Variants in DMD observed in about 807,000 individuals in gnomAD.
The protein encoded by DMD is dystrophin.
DMD carries 63 observed loss-of-function variants against 330.1 expected under a neutral mutation model. That is an observed-to-expected ratio of 0.19 (90% CI 0.16 to 0.24). The LOEUF (loss-of-function observed/expected upper bound fraction) is 0.24, where lower values mean the gene tolerates loss of function less well. Among genes scored for constraint, DMD ranks in the 10% least tolerant of loss-of-function variants. DMD has a pLI of 1.00. For synonymous variants in DMD, 1,223 were observed against 959.8 expected, an observed-to-expected ratio of 1.27 and a Z score of -5.07; for missense variants, 3,344 against 2,684.1, an observed-to-expected ratio of 1.25 and a Z score of -5.43.
At chrX:32,963,185 A>G (rs1480174167) in intron 2 of DMD, among the ~76,000 whole-genome samples, 1 of 112,257 alleles carries the variant, frequency 8.9e-6, no homozygotes, top group Non-Finnish European at 1.9e-5. Flanking sequence ...AATAAAACTC[A>G]AAAGTGAAGA....
chrX:32,905,853 T>A (rs1329913115), intron 2 of DMD, among the ~76,000 whole-genome samples: 1 of 111,345 alleles, frequency 9.0e-6, no homozygotes, highest in African/African-American at 3.3e-5. Context: ...GTAGCAAACA[T>A]CTCTTCTTTT....
chrX:32,094,493 T>C (rs1180411941), intron 44 of DMD, among the ~76,000 whole-genome samples: 2 of 111,847 alleles, frequency 1.8e-5, no homozygotes, highest in African/African-American at 6.5e-5. Flanking sequence ...GTTATTTTTG[T>C]GAGATATCTC....
chrX:31,553,356 C>T (rs1468649989), intron 55 of DMD, among the ~76,000 whole-genome samples: 1 of 112,201 alleles, frequency 8.9e-6, no homozygotes, highest in African/African-American at 3.2e-5. Flanking sequence ...ACATTTCTTA[C>T]TTATATACCA....
chrX:33,074,353 G>A (rs1178514678), intron 1 of DMD, among the ~76,000 whole-genome samples: 4 of 111,067 alleles, frequency 3.6e-5, no homozygotes, highest in South Asian at 3.7e-4. Context: ...TTCGCAAATC[G>A]TTCATTGCTC....
At chrX:33,064,326 T>G (rs1362545075) in intron 1 of DMD, among the ~76,000 whole-genome samples, 1 of 111,393 alleles carries the variant, frequency 9.0e-6, no homozygotes, top group Non-Finnish European at 1.9e-5. Context: ...TTGCGGCAAC[T>G]TTCTAAAAGG....
chrX:31,951,602 T>G (rs1038207581), intron 45 of DMD, among the ~76,000 whole-genome samples: 5 of 110,899 alleles, frequency 4.5e-5, no homozygotes, highest in African/African-American at 1.3e-4. Context: ...TTACTTAAGT[T>G]CAAACTAATT....
chrX:32,577,771 TACTC>T (rs1457583782), intron 13 of DMD, among the ~76,000 whole-genome samples: 3 of 112,400 alleles, frequency 2.7e-5, no homozygotes, highest in African/African-American at 9.7e-5. Context: ...TCTTAGAAAA[TACTC>T]AATGAATTGA....
intron 48 of DMD, among the ~76,000 whole-genome samples, chrX:31,873,706 G>A (rs1247711743): frequency 1.8e-5 from 2 of 111,652 alleles, no homozygotes; most frequent in Non-Finnish European, 3.8e-5. Context: ...GACGCAAAAC[G>A]GGGCAGCATA....
chrX:31,937,583 G>A (rs764070275), intron 45 of DMD, among the ~76,000 whole-genome samples: 2 of 111,625 alleles, frequency 1.8e-5, no homozygotes, highest in Non-Finnish European at 1.9e-5. Flanking sequence ...TTTTCCAAGC[G>A]CATGTGTTTT....
chrX:31,501,096 T>C (rs1211303471), intron 56 of DMD, among the ~76,000 whole-genome samples: 1 of 112,267 alleles, frequency 8.9e-6, no homozygotes, highest in Non-Finnish European at 1.9e-5. Flanking sequence ...TCACAGGCTG[T>C]AAACTGATCA....
chrX:32,150,287 A>G (rs1179096977), intron 44 of DMD, among the ~76,000 whole-genome samples: 3 of 112,428 alleles, frequency 2.7e-5, no homozygotes, highest in African/African-American at 6.5e-5. Flanking sequence ...GGGCACTGGC[A>G]CACAGCAACA....
At chrX:32,753,819 C>T (rs887024777) in intron 7 of DMD, among the ~76,000 whole-genome samples, 5 of 111,616 alleles carry the variant, frequency 4.5e-5, no homozygotes, top group African/African-American at 9.8e-5. Context: ...GGGAAGGAAC[C>T]GAGCCTTATT....
intron 25 of DMD, 123 bp downstream of exon 25, chrX:32,463,316 A>C: frequency 1.8e-6 from 1 of 553,002 alleles, no homozygotes; most frequent in Non-Finnish European, 2.7e-6. Context: ...TGTCAGAATT[A>C]ATTGTGCTTT....
At chrX:32,745,908 G>A (rs764238759) in intron 7 of DMD, among the ~76,000 whole-genome samples, 18 of 111,717 alleles carry the variant, frequency 1.6e-4, no homozygotes, top group Non-Finnish European at 2.8e-4. Context: ...AATGTTTCAG[G>A]AAAAAGACAG....
intron 7 of DMD, among the ~76,000 whole-genome samples, chrX:32,756,951 T>C (rs1413419210): frequency 8.9e-6 from 1 of 111,747 alleles, no homozygotes; most frequent in Non-Finnish European, 1.9e-5. Flanking sequence ...CATGGTGACA[T>C]GAAATTCTCT....
chrX:32,128,071 AC>A (rs1466240812), intron 44 of DMD, among the ~76,000 whole-genome samples: 3 of 112,386 alleles, frequency 2.7e-5, no homozygotes, highest in Non-Finnish European at 5.6e-5. Context: ...AAGTATAGTA[AC>A]TAGTTAGCAA....
At chrX:31,969,965 T>G (rs2095384550) in intron 44 of DMD, among the ~76,000 whole-genome samples, 2 of 111,800 alleles carry the variant, frequency 1.8e-5, no homozygotes, top group Admixed American at 1.9e-4. Flanking sequence ...CCTGTTCAGA[T>G]CAGCGTTGCA....
Position 32,645,294 on chromosome X carries a change from A to G in DMD, c.961-142T>C. ...TCAAACACAGGAACAGCAGATACAG[A>G]CAATAGGGAGTTTTCATTTTAACTT... On this transcript the variant is annotated intron_variant, in intron 9 of 78. Coordinates refer to ENST00000357033, the MANE Select transcript of DMD (RefSeq NM_004006.3). 4.8e-6 allele frequency: 3 copies of G among 622,711 alleles called. No individual in the cohort carries two copies. In the South Asian group the frequency reaches 9.3e-5, roughly 19 times the overall value. The allele number at this position is 622,711 out of a possible 1,213,427, so 51.3% of individuals were successfully genotyped here.
intron 43 of DMD, among the ~76,000 whole-genome samples, chrX:32,253,224 G>T (rs2097284124): frequency 9.2e-6 from 1 of 109,135 alleles, no homozygotes; most frequent in African/African-American, 3.3e-5. Context: ...AAAAATTGAG[G>T]CGGCCAAGGG....
Sources: allele counts gnomAD v4.1 joint callset (sites outside exome capture counted in the v4.1 genomes callset), GRCh38; gene constraint gnomAD v4.1.1; transcripts MANE v1.5; gene names NCBI Gene and HGNC (gene_info 2026-07-23, HGNC 2026-07-21).